Variants in VEGFC observed in about 807,000 individuals in gnomAD.
VEGFC encodes the protein FLT4 ligand DHM.
A neutral mutation model predicts 46.1 loss-of-function variants in VEGFC; 12 were observed. The observed-to-expected ratio is 0.26, with a 90% confidence interval of 0.17 to 0.42. The LOEUF is 0.42. Among genes scored for constraint, VEGFC ranks in the 10% least tolerant of loss-of-function variants. VEGFC has a pLI of 1.00. For synonymous variants in VEGFC, 232 were observed against 195.5 expected (o/e 1.19, Z -1.56); for missense variants, 488 against 529.4 (o/e 0.92, Z 0.77).
At chr4:176,711,389 G>A (rs1579100027) in intron 4 of VEGFC, 110 bp downstream of exon 4, 2 of 1,214,304 alleles carry the variant, frequency 1.6e-6, no homozygotes, top group South Asian at 2.2e-5. Flanking sequence ...ATTTGAAGCA[G>A]AGTATATTAC....
intron 4 of VEGFC, 34 bp from the exon 5 acceptor site, chr4:176,687,961 G>T (rs1242877138): frequency 2.2e-6 from 3 of 1,337,470 alleles, no homozygotes; most frequent in Admixed American, 3.6e-5. Flanking sequence ...TAGCAATGGT[G>T]TAACTGGTAC....
chr4:176,722,500 T>TG (rs1491542973), intron 3 of VEGFC, among the ~76,000 whole-genome samples: 6 of 116,312 alleles, frequency 5.2e-5, no homozygotes, highest in African/African-American at 1.9e-4. Flanking sequence ...TTTTTTTTTG[T>TG]TTTTTTTTTT....
At chr4:176,761,445 C>A (rs1179022331) in intron 1 of VEGFC, among the ~76,000 whole-genome samples, 1 of 152,094 alleles carries the variant, frequency 6.6e-6, no homozygotes, top group African/African-American at 2.4e-5. Context: ...GAAACTATGT[C>A]ACAGTTTTAT....
intron 4 of VEGFC, among the ~76,000 whole-genome samples, chr4:176,695,434 A>T (rs1313644220): frequency 5.3e-5 from 8 of 151,770 alleles, no homozygotes; most frequent in Non-Finnish European, 1.0e-4. Context: ...ACCAGGAAGA[A>T]GTTGAATCTC....
intron 1 of VEGFC, among the ~76,000 whole-genome samples, chr4:176,740,301 G>A (rs1238858737): frequency 2.6e-5 from 3 of 114,324 alleles, no homozygotes; most frequent in East Asian, 4.7e-4. Context: ...TATCTATATA[G>A]AGTATATATA....
At position 176,781,297 on chromosome 4, in the gene VEGFC, G is replaced by C. The variant is rs115395392; in HGVS notation, c.147+10868C>G. Among the ~76,000 whole-genome samples the C allele has an allele frequency of 7.1e-3, 1,078 of 152,246 alleles. 3 individuals carry two copies. The highest frequency in any genetic ancestry group is 0.012 in the Non-Finnish European group (785 of 67,998). On this transcript the variant is annotated intron_variant, in intron 1 of 6. Coordinates refer to ENST00000618562, the MANE Select transcript of VEGFC (RefSeq NM_005429.5). ...GACAAAGGGATCAGTTTGTTTTTTA[G>C]GGAAGTCATAAATGTCATGACCTGT...
In VEGFC at chr4:176,711,645, A is replaced by C. The variant is rs928660549; in HGVS notation, c.558T>G (p.Phe186Leu). 20 of 1,612,736 alleles carry C rather than the reference A, an allele frequency of 1.2e-5. No homozygotes were observed. The African/African-American group carries it at 2.5e-4, about 20-fold the overall frequency. ...TSTSYLSKTL[F>L]EITVPLSQGP... is the part of the protein sequence containing the mutation. ...CTTGAGAGAGAGGCACTGTAATTTC[A>C]AATAACTACAAAGAAGGGACAAAAA... Residue 186 changes from phenylalanine (F) to leucine (L), a missense_variant, in exon 4 of 7, where the codon TTT (phenylalanine) becomes TTG (leucine). Transcript: ENST00000618562.
At chr4:176,752,264 T>C (rs1472478728) in intron 1 of VEGFC, among the ~76,000 whole-genome samples, 1 of 151,938 alleles carries the variant, frequency 6.6e-6, no homozygotes, top group Non-Finnish European at 1.5e-5. Flanking sequence ...CCCCGGATCC[T>C]GAAAGGTGCT....
chr4:176,767,778 G>C (rs1024878731), intron 1 of VEGFC, among the ~76,000 whole-genome samples: 1 of 152,088 alleles, frequency 6.6e-6, no homozygotes. Flanking sequence ...AATATAATGT[G>C]ACTTACATCC....
chr4:176,784,063 G>GTT (rs66870525), intron 1 of VEGFC, among the ~76,000 whole-genome samples: 5,888 of 45,750 alleles, frequency 0.13, 371 homozygotes, highest in South Asian at 0.37. Context: ...TGCACATGCT[G>GTT]TTTTTTTTTT....
chr4:176,690,846 T>C (rs960785192), intron 4 of VEGFC, among the ~76,000 whole-genome samples: 6 of 152,222 alleles, frequency 3.9e-5, no homozygotes, highest in African/African-American at 1.2e-4. Flanking sequence ...GTGGCCATTA[T>C]AACGTGTTGG....
intron 1 of VEGFC, among the ~76,000 whole-genome samples, chr4:176,776,393 T>C (rs1735813937): frequency 6.6e-6 from 1 of 152,230 alleles, no homozygotes; most frequent in South Asian, 2.1e-4. Context: ...AATTTTTTTC[T>C]TCGTTTTTTA....
At chr4:176,739,543 G>A (rs970157994) in intron 1 of VEGFC, among the ~76,000 whole-genome samples, 2 of 151,920 alleles carry the variant, frequency 1.3e-5, no homozygotes, top group Non-Finnish European at 2.9e-5. Context: ...GCTGAATGAT[G>A]AGAACACATG....
At chr4:176,701,012 A>G (rs992849168) in intron 4 of VEGFC, among the ~76,000 whole-genome samples, 16 of 152,208 alleles carry the variant, frequency 1.1e-4, no homozygotes, top group South Asian at 2.1e-4. Flanking sequence ...TCTGCATGAT[A>G]CTGTAATGAT....
At chr4:176,733,418 C>G (rs1735000463) in intron 1 of VEGFC, among the ~76,000 whole-genome samples, 1 of 151,722 alleles carries the variant, frequency 6.6e-6, no homozygotes, top group Non-Finnish European at 1.5e-5. Context: ...ATGGAATATC[C>G]AACAATGAAA....
chr4:176,689,948 T>C (rs1734120544), intron 4 of VEGFC, among the ~76,000 whole-genome samples: 1 of 152,240 alleles, frequency 6.6e-6, no homozygotes, highest in African/African-American at 2.4e-5. Flanking sequence ...AATAGCTATG[T>C]TTTGGTTTAC....
At chr4:176,692,411 CAAACA>C (rs1734210209) in intron 4 of VEGFC, among the ~76,000 whole-genome samples, 1 of 128,658 alleles carries the variant, frequency 7.8e-6, no homozygotes, top group Non-Finnish European at 1.5e-5. Flanking sequence ...AACAAACAAA[CAAACA>C]AAAAAAAAAC....
intron 4 of VEGFC, among the ~76,000 whole-genome samples, chr4:176,691,549 T>C (rs1734179915): frequency 6.6e-6 from 1 of 152,202 alleles, no homozygotes; most frequent in Non-Finnish European, 1.5e-5. Flanking sequence ...AATTGTTTCA[T>C]TAATTATTTT....
intron 1 of VEGFC, among the ~76,000 whole-genome samples, chr4:176,758,515 T>C (rs1332383175): frequency 2.0e-5 from 3 of 152,146 alleles, no homozygotes; most frequent in Non-Finnish European, 4.4e-5. Context: ...AACCTCCGTC[T>C]TACTGACTAG....
Sources: gnomAD v4.1 joint callset for allele counts (sites outside exome capture counted in the v4.1 genomes callset) on GRCh38, gnomAD v4.1.1 for gene constraint, MANE v1.5 for transcripts, NCBI Gene and HGNC (gene_info 2026-07-23, HGNC 2026-07-21) for gene names.